The following GRID2 variants were observed in gnomAD, a reference collection of about 807,000 sequenced individuals.
GRID2 encodes the protein glutamate ionotropic receptor delta type subunit 2.
A neutral mutation model predicts 114.8 loss-of-function variants in GRID2; 33 were observed. That is an observed-to-expected ratio of 0.29 (90% CI 0.22 to 0.38). GRID2 has a LOEUF of 0.38. GRID2 is among the 10% of genes least tolerant of loss of function. The pLI, the probability that GRID2 is intolerant of heterozygous loss-of-function variation, is 1.00. For synonymous variants in GRID2, 505 were observed against 449.9 expected (o/e 1.12, Z -1.55); for missense variants, 1,184 against 1,257.7 (o/e 0.94, Z 0.89).
intron 1 of GRID2, among the ~76,000 whole-genome samples, chr4:92,523,394 ATAAGT>A (rs934585843): frequency 1.3e-5 from 2 of 152,010 alleles, no homozygotes; most frequent in African/African-American, 4.8e-5. Flanking sequence ...AGCAGAGCAT[ATAAGT>A]TAAGGCAAAA....
At chr4:92,454,988 A>G (rs1403310402) in intron 1 of GRID2, among the ~76,000 whole-genome samples, 1 of 152,158 alleles carries the variant, frequency 6.6e-6, no homozygotes, top group Admixed American at 6.5e-5. Flanking sequence ...CTGTTTTCCT[A>G]CTTGGTTAAG....
chr4:93,341,932 T>C (rs993935953), intron 8 of GRID2, among the ~76,000 whole-genome samples: 1 of 152,182 alleles, frequency 6.6e-6, no homozygotes, highest in East Asian at 1.9e-4. Context: ...ATTTTTGCCA[T>C]AGAATAGAAC....
intron 2 of GRID2, among the ~76,000 whole-genome samples, chr4:92,974,893 C>T (rs919472245): frequency 1.3e-5 from 2 of 151,908 alleles, no homozygotes; most frequent in Non-Finnish European, 2.9e-5. Context: ...AGCGGCGGCT[C>T]ACGCCTGTAA....
chr4:93,216,807 A>T lies in GRID2; in HGVS notation c.859A>T (p.Thr287Ser). Residue 287 changes from threonine (T) to serine (S), a missense_variant, in exon 6 of 16, where the codon ACA (threonine) becomes TCA (serine). Around this residue, in one of 3 missense-constraint regions of GRID2, gnomAD observed 455 missense variants for 429.5 expected, o/e 1.06. Transcript: ENST00000282020. ...SIGRLTIIRQTFPVPQNISQR... is the reference protein window; with the variant it reads ...SIGRLTIIRQSFPVPQNISQR... ...TGGAAGGTTAACGATTATTCGGCAGACATTTCCAGTTCCCCAGAACATAAG... is the reference window on the plus strand; with the variant it reads ...TGGAAGGTTAACGATTATTCGGCAGTCATTTCCAGTTCCCCAGAACATAAG... The T allele has an allele frequency of 6.2e-7, 1 of 1,612,540 alleles. No individual in the cohort carries two copies.
chr4:92,396,232 T>C (rs1486320064), intron 1 of GRID2, among the ~76,000 whole-genome samples: 2 of 151,906 alleles, frequency 1.3e-5, no homozygotes, highest in East Asian at 3.8e-4. Context: ...AATGGCATGG[T>C]ACTGTTTTAT....
At chr4:92,521,989 T>TG (rs1205442038) in intron 1 of GRID2, among the ~76,000 whole-genome samples, 1 of 151,986 alleles carries the variant, frequency 6.6e-6, no homozygotes, top group Non-Finnish European at 1.5e-5. Context: ...CCATCCCTCG[T>TG]GGAGCCTATA....
intron 4 of GRID2, among the ~76,000 whole-genome samples, chr4:93,121,059 A>T (rs891938553): frequency 6.6e-6 from 1 of 152,174 alleles, no homozygotes; most frequent in Admixed American, 6.5e-5. Flanking sequence ...ACAAACCTGC[A>T]CGTTCTGCAC....
intron 1 of GRID2, among the ~76,000 whole-genome samples, chr4:92,479,417 C>T (rs1342727604): frequency 2.0e-4 from 31 of 151,954 alleles, no homozygotes. Context: ...CTAAATTTTC[C>T]AGAGAAAGTT....
chr4:93,222,138 A>G (rs534774166), intron 6 of GRID2, among the ~76,000 whole-genome samples: 3 of 152,238 alleles, frequency 2.0e-5, no homozygotes, highest in Admixed American at 6.6e-5. Context: ...AGTCTTAGAG[A>G]AATAAATTAC....
intron 2 of GRID2, among the ~76,000 whole-genome samples, chr4:92,678,819 C>A (rs1488970484): frequency 1.3e-5 from 2 of 151,852 alleles, no homozygotes; most frequent in African/African-American, 4.8e-5. Flanking sequence ...TTATTCAGTT[C>A]TAATCAATGC....
intron 1 of GRID2, among the ~76,000 whole-genome samples, chr4:92,446,800 GAGAATATCATGCAA>G (rs1313312312): frequency 6.6e-6 from 1 of 152,218 alleles, no homozygotes; most frequent in African/African-American, 2.4e-5. Context: ...GTGAAATGCA[GAGAATATCATGCAA>G]AGAATATCTG....
chr4:93,059,287 A>G (rs1727556960), intron 2 of GRID2, among the ~76,000 whole-genome samples: 5 of 152,176 alleles, frequency 3.3e-5, no homozygotes, highest in Non-Finnish European at 7.4e-5. Flanking sequence ...GAAGTCTGAA[A>G]TGAGAAATTC....
intron 13 of GRID2, among the ~76,000 whole-genome samples, chr4:93,573,755 A>G (rs972770370): frequency 2.6e-5 from 4 of 152,140 alleles, no homozygotes; most frequent in African/African-American, 9.7e-5. Flanking sequence ...TAATAAAATC[A>G]TGTTCTTTTG....
intron 8 of GRID2, among the ~76,000 whole-genome samples, chr4:93,335,478 A>G (rs1210162775): frequency 1.3e-5 from 2 of 152,182 alleles, no homozygotes; most frequent in African/African-American, 4.8e-5. Flanking sequence ...GATCCTAACA[A>G]CATGTTTTAT....
Position 92,953,239 on chromosome 4 carries a change from T to C in GRID2, c.245-131756T>C, listed in dbSNP as rs1560739254. ...AGTTTGGGGAAGCCAATTCAACCTA[T>C]AACATTGAGTAATAGCAGGTAACCA... On this transcript the variant is annotated intron_variant, in intron 2 of 15. Coordinates refer to ENST00000282020, the MANE Select transcript of GRID2 (RefSeq NM_001510.4). 2.6e-5 allele frequency among the ~76,000 whole-genome samples: 4 copies of C among 152,300 alleles called. No homozygotes were observed. In the South Asian group the frequency reaches 8.3e-4, roughly 32 times the overall value.
chr4:93,625,588 A>T (rs962079505), intron 13 of GRID2, among the ~76,000 whole-genome samples: 1 of 152,234 alleles, frequency 6.6e-6, no homozygotes, highest in Non-Finnish European at 1.5e-5. Context: ...AAAACACAAT[A>T]GAGAGTAATA....
At chr4:93,332,252 GT>G (rs1758542900) in intron 8 of GRID2, among the ~76,000 whole-genome samples, 1 of 20,502 alleles carries the variant, frequency 4.9e-5, no homozygotes, top group Non-Finnish European at 7.7e-5. Context: ...CAGAAAAAGA[GT>G]GTGTGTGTGT....
intron 2 of GRID2, among the ~76,000 whole-genome samples, chr4:92,862,170 C>T (rs930580631): frequency 1.3e-5 from 2 of 152,016 alleles, no homozygotes; most frequent in Non-Finnish European, 2.9e-5. Context: ...CAGGACCTTT[C>T]TAACATTTTG....
chr4:93,052,353 G>T (rs1404046363), intron 2 of GRID2, among the ~76,000 whole-genome samples: 1 of 151,846 alleles, frequency 6.6e-6, no homozygotes, highest in Non-Finnish European at 1.5e-5. Context: ...ACTTAATGAT[G>T]GGATATGTTC....
Sources: gnomAD v4.1 joint callset for allele counts (sites outside exome capture counted in the v4.1 genomes callset) on GRCh38, gnomAD v4.1.1 for gene constraint, gnomAD v4.1.1 regional missense constraint, MANE v1.5 for transcripts, NCBI Gene and HGNC (gene_info 2026-07-23, HGNC 2026-07-21) for gene names.